Variants in ARHGAP26 observed in about 807,000 individuals in gnomAD.
ARHGAP26 encodes the protein Rho GTPase activating protein 26, also known as rho GTPase-activating protein 26.
Under a neutral mutation model 104.8 loss-of-function variants are expected in ARHGAP26, and 38 were observed. The observed-to-expected ratio is 0.36, with a 90% confidence interval of 0.28 to 0.48. The LOEUF (loss-of-function observed/expected upper bound fraction) is 0.48, where lower values mean the gene tolerates loss of function less well. Among genes scored for constraint, ARHGAP26 ranks in the 20% least tolerant of loss-of-function variants. The probability of loss-of-function intolerance (pLI) is 0.99; values close to 1 mark genes in which losing one functional copy is unlikely to be tolerated. For synonymous variants in ARHGAP26, 341 were observed against 340.0 expected (o/e 1.00, Z -0.03); for missense variants, 704 against 947.9 (o/e 0.74, Z 3.38).
chr5:142,967,949 G>T (rs1183573180), intron 11 of ARHGAP26, among the ~76,000 whole-genome samples: 1 of 152,184 alleles, frequency 6.6e-6, no homozygotes, highest in Non-Finnish European at 1.5e-5. Context: ...TAAAGGCATT[G>T]TTCAAAGAAG....
chr5:143,178,118 G>A (rs1408445352), intron 20 of ARHGAP26, among the ~76,000 whole-genome samples: 1 of 145,098 alleles, frequency 6.9e-6, no homozygotes, highest in African/African-American at 2.5e-5. Context: ...TCCTGCCTCA[G>A]CCTCCCAAGT....
intron 20 of ARHGAP26, among the ~76,000 whole-genome samples, chr5:143,167,596 A>T (rs986564): frequency 0.067 from 9,986 of 149,488 alleles, 435 homozygotes; most frequent in East Asian, 0.11. Context: ...TTCATCAATG[A>T]TGTAGATTGT....
At chr5:143,056,316 CT>C (rs10672936) in intron 16 of ARHGAP26, among the ~76,000 whole-genome samples, 2,082 of 80,074 alleles carry the variant, frequency 0.026, 37 homozygotes, top group African/African-American at 0.084. Flanking sequence ...CTTCAGAAGT[CT>C]TTTTTTTTTT....
chr5:143,165,905 C>T, intron 20 of ARHGAP26: 1 of 534,562 alleles, frequency 1.9e-6, no homozygotes, highest in Non-Finnish European at 2.9e-6. Flanking sequence ...TATCTACCTC[C>T]TAGGGTTGTT....
At position 143,107,066 on chromosome 5, in the gene ARHGAP26, G is replaced by T. The variant is rs573804723; in HGVS notation, c.1539-13922G>T. On this transcript the variant is annotated intron_variant, in intron 17 of 22. Coordinates refer to ENST00000645722, the MANE Select transcript of ARHGAP26 (RefSeq NM_001135608.3). Reference sequence around the variant, plus strand: ...CTGATGTATCTGTGTGTTATTTGCCGTCGGAATGAAAGCAGGGATCTTGTC... The same window carrying T: ...CTGATGTATCTGTGTGTTATTTGCCTTCGGAATGAAAGCAGGGATCTTGTC... 5.3e-5 allele frequency among the ~76,000 whole-genome samples: 8 copies of T among 152,258 alleles called. No homozygotes were observed. The South Asian group carries it at 1.7e-3, about 32-fold the overall frequency.
chr5:142,838,705 C>T (rs1770113551), intron 1 of ARHGAP26, among the ~76,000 whole-genome samples: 1 of 152,212 alleles, frequency 6.6e-6, no homozygotes, highest in African/African-American at 2.4e-5. Flanking sequence ...GCTACAAATG[C>T]ACAGAACAAG....
At chr5:142,835,168 T>A (rs1471427072) in intron 1 of ARHGAP26, among the ~76,000 whole-genome samples, 1 of 152,264 alleles carries the variant, frequency 6.6e-6, no homozygotes, top group Non-Finnish European at 1.5e-5. Flanking sequence ...TCTTGATGTT[T>A]CTTTCATTGT....
At chr5:143,075,209 G>A (rs952116846) in intron 17 of ARHGAP26, among the ~76,000 whole-genome samples, 1 of 152,018 alleles carries the variant, frequency 6.6e-6, no homozygotes, top group Non-Finnish European at 1.5e-5. Flanking sequence ...CATTTCAATT[G>A]CACATTAAAA....
At chr5:142,955,327 C>T (rs1321391648) in intron 11 of ARHGAP26, among the ~76,000 whole-genome samples, 5 of 151,902 alleles carry the variant, frequency 3.3e-5, no homozygotes, top group African/African-American at 7.3e-5. Context: ...TTTAAAGCCC[C>T]ACAAAACAAA....
intron 17 of ARHGAP26, among the ~76,000 whole-genome samples, chr5:143,063,267 G>A (rs976881428): frequency 2.0e-5 from 3 of 152,026 alleles, no homozygotes; most frequent in Admixed American, 2.0e-4. Flanking sequence ...GTCTCCATCA[G>A]TACTCCTGTA....
At position 142,974,161 on chromosome 5, in the gene ARHGAP26, C is replaced by T. The variant is rs555485132; in HGVS notation, c.1108-39919C>T. On this transcript the variant is annotated intron_variant, in intron 11 of 22. Coordinates refer to ENST00000645722, the MANE Select transcript of ARHGAP26 (RefSeq NM_001135608.3). ...AGTGTGCATCTGACTTTGGTCATTC[C>T]GTTGCTATCCTGTTCCATTTATCCC... Among the ~76,000 whole-genome samples, 10 of 151,308 alleles carry T rather than the reference C, an allele frequency of 6.6e-5. No homozygotes were observed. The South Asian group carries it at 8.3e-4, about 13-fold the overall frequency.
intron 1 of ARHGAP26, among the ~76,000 whole-genome samples, chr5:142,798,719 C>G (rs1437975808): frequency 6.6e-6 from 1 of 152,190 alleles, no homozygotes; most frequent in Non-Finnish European, 1.5e-5. Flanking sequence ...GGGTTTGTGT[C>G]TATGTATGCA....
chr5:143,226,227 A>T lies in ARHGAP26; in HGVS notation c.*3781A>T, dbSNP rs1811652257. 1 of 179,728 alleles carries T rather than the reference A, an allele frequency of 5.6e-6. No individual in the cohort carries two copies. The highest frequency in any genetic ancestry group is 2.4e-5 in the African/African-American group (1 of 42,352). 11.1% of individuals were successfully genotyped at this position (179,728 alleles called of 1,614,324 possible). A position where few individuals can be genotyped will look rare whatever the true frequency, so the allele number is the denominator to read the frequency against. ...CCGGGTGCAGTGGCTCACGCCTATAATCCCAGCACTTTGGGAGGCCGAGGC... is the reference window on the plus strand; with the variant it reads ...CCGGGTGCAGTGGCTCACGCCTATATTCCCAGCACTTTGGGAGGCCGAGGC... On this transcript the variant is annotated 3_prime_UTR_variant, in exon 23 of 23. Transcript: ENST00000645722.
intron 17 of ARHGAP26, among the ~76,000 whole-genome samples, chr5:143,058,918 T>C (rs1353334817): frequency 6.6e-6 from 1 of 152,228 alleles, no homozygotes; most frequent in Non-Finnish European, 1.5e-5. Context: ...TCAGAGCTGC[T>C]TGTTCAGGAG....
At position 143,224,362 on chromosome 5, in the gene ARHGAP26, TC is replaced by T; in HGVS notation, c.*1917del. ...CTGTCCTGTTGGTGGGCACGACACA[TC>T]AGTGGTGTTCAGTCTTTATGTGTTT... is the stretch of plus-strand genomic sequence containing the variant. On this transcript the variant is annotated 3_prime_UTR_variant, in exon 23 of 23. Transcript: ENST00000645722. 1 of 230,328 alleles carries T rather than the reference TC, an allele frequency of 4.3e-6. No individual in the cohort carries two copies. The highest frequency in any genetic ancestry group is 6.2e-5 in the East Asian group (1 of 16,220). 14.3% of individuals were successfully genotyped at this position (230,328 alleles called of 1,614,324 possible).
intron 14 of ARHGAP26, among the ~76,000 whole-genome samples, chr5:143,046,386 T>G (rs1204302330): frequency 6.6e-6 from 1 of 152,228 alleles, no homozygotes; most frequent in Non-Finnish European, 1.5e-5. Flanking sequence ...CTTAATACAT[T>G]GGAGGACTTT....
intron 10 of ARHGAP26, among the ~76,000 whole-genome samples, chr5:142,925,374 T>A (rs1450354507): frequency 6.6e-6 from 1 of 152,226 alleles, no homozygotes; most frequent in Non-Finnish European, 1.5e-5. Flanking sequence ...CAAGTCTATT[T>A]TCCTTGGATT....
At chr5:142,857,226 C>T (rs1752506379) in intron 1 of ARHGAP26, among the ~76,000 whole-genome samples, 1 of 152,186 alleles carries the variant, frequency 6.6e-6, no homozygotes, top group South Asian at 2.1e-4. Context: ...GACCCCATTT[C>T]CAAATAAAGT....
intron 20 of ARHGAP26, among the ~76,000 whole-genome samples, chr5:143,162,611 A>T (rs1254721911): frequency 1.3e-5 from 2 of 152,208 alleles, no homozygotes; most frequent in Non-Finnish European, 1.5e-5. Context: ...GAGGAAATAA[A>T]CACCCACCAA....
Sources: allele counts gnomAD v4.1 joint callset (sites outside exome capture counted in the v4.1 genomes callset), GRCh38; gene constraint gnomAD v4.1.1; transcripts MANE v1.5; gene names NCBI Gene and HGNC (gene_info 2026-07-23, HGNC 2026-07-21).